RGS14: variants seen among roughly 807,000 people sequenced by gnomAD.
RGS14 encodes the protein regulator of G-protein signaling 14.
RGS14 carries 33 observed loss-of-function variants against 63.8 expected under a neutral mutation model. The ratio of observed to expected loss-of-function variants is 0.52; its 90% CI spans 0.39 to 0.69. The LOEUF is 0.69. Ranked by LOEUF, RGS14 falls within the 30% of genes least tolerant of loss-of-function variation. The pLI, the probability that RGS14 is intolerant of heterozygous loss-of-function variation, is 0.00. For missense variants in RGS14, 739 were observed against 742.9 expected (o/e 0.99, Z 0.06); for synonymous variants, 296 against 320.9 (o/e 0.92, Z 0.83).
rs926819244 is a variant in RGS14 at position 177,359,981 on chromosome 5, C to T, written c.45+1912C>T. On this transcript the variant is annotated intron_variant, in intron 1 of 14. Transcript: ENST00000408923. This position sits in a 1 kb window ranked among gnomAD's most constrained non-coding sequence, Gnocchi z 4.4. ...TGGCCCCAGTCCTCCCCTACCTCTC[C>T]TCTCACCACCATCATTCCCTGCTGT... 3.3e-5 allele frequency among the ~76,000 whole-genome samples: 5 copies of T among 152,220 alleles called. No individual in the cohort carries two copies. The highest frequency in any genetic ancestry group is 2.6e-4 in the Admixed American group (4 of 15,292).
chr5:177,367,992 G>A (rs1048378813), intron 7 of RGS14, 165 bp from the exon 8 acceptor site: 5 of 1,439,670 alleles, frequency 3.5e-6, no homozygotes, highest in Admixed American at 2.8e-5. Flanking sequence ...TCTTGGGCTA[G>A]ACCTCAGACG....
At chr5:177,368,287 G>T in intron 8 of RGS14, 21 bp downstream of exon 8, 1 of 1,600,484 alleles carries the variant, frequency 6.2e-7, no homozygotes, top group South Asian at 1.1e-5. Flanking sequence ...TGTTGGGGAA[G>T]ACAAGATGCT....
At chr5:177,367,590 C>T (rs1222980956) in intron 6 of RGS14, 33 bp downstream of exon 6, 2 of 1,590,412 alleles carry the variant, frequency 1.3e-6, no homozygotes, top group East Asian at 4.6e-5. Flanking sequence ...CTGGGCGAGG[C>T]AGGGGGTCCT....
In RGS14 at chr5:177,371,052, G is replaced by T. The variant is rs747744878; in HGVS notation, c.1254+21G>T. On this transcript the variant is annotated intron_variant, in intron 11 of 14. Coordinates refer to ENST00000408923, the MANE Select transcript of RGS14 (RefSeq NM_006480.5). The surrounding 1 kb of genome is among the most constrained non-coding windows in gnomAD (Gnocchi z 6.1). ...ACCGGGTGAGCTTCCGGGCCGCGGG[G>T]CGGGGCGGGGCGGGGCCGGGCCGGG... 8.6e-7 allele frequency: 1 copy of T among 1,162,556 alleles called. No homozygotes were observed. 72.0% of individuals were successfully genotyped at this position (1,162,556 alleles called of 1,614,324 possible).
intron 1 of RGS14, among the ~76,000 whole-genome samples, chr5:177,361,917 G>A (rs113420366): frequency 2.0e-5 from 3 of 152,178 alleles, no homozygotes; most frequent in Admixed American, 2.0e-4. Context: ...GGCTGAAGCA[G>A]GGGAGGCCAG....
chr5:177,371,093 G>A lies in RGS14; in HGVS notation c.1254+62G>A. The A allele has an allele frequency of 2.0e-6, 2 of 1,021,266 alleles. 1 individual carries two copies. Among genetic ancestry groups the A allele is most frequent in the Non-Finnish European group, 2.4e-6 (2 of 842,054 alleles). The allele number at this position is 1,021,266 out of a possible 1,614,324, so 63.3% of individuals were successfully genotyped here. A position where few individuals can be genotyped will look rare whatever the true frequency, so the allele number is the denominator to read the frequency against. ...CCGGGCCGGGGCCGGGGCCGGGGCC[G>A]GGGCCGGGGCCGGGGCCGGGGCCGG... On this transcript the variant is annotated intron_variant, in intron 11 of 14. Transcript: ENST00000408923. The surrounding 1 kb of genome is among the most constrained non-coding windows in gnomAD (Gnocchi z 6.1).
rs1211684342 is a variant in RGS14, at chr5:177,372,069, C to T, written c.1695C>T (p.Ala565=). The change falls in exon 15 of 15, where the codon GCC becomes GCT. Residue 565 remains alanine, a synonymous_variant. Transcript: ENST00000408923. ...CCTTGAACTCCACCACCGACTCAGC[C>T]CTCTGACAGCTACCCAACAGTCCAG... The part of the protein sequence containing the change: ...GGSLNSTTDS[A]L 1.9e-6 allele frequency: 3 copies of T among 1,613,774 alleles called. No individual in the cohort carries two copies. Among genetic ancestry groups the T allele is most frequent in the South Asian group, 2.2e-5 (2 of 91,052 alleles).
chr5:177,360,972 G>A (rs1761952770), intron 1 of RGS14, among the ~76,000 whole-genome samples: 1 of 152,256 alleles, frequency 6.6e-6, no homozygotes, highest in African/African-American at 2.4e-5. Context: ...GGAGGAGGGA[G>A]GGCACGGCAT....
chr5:177,366,302 G>C lies in RGS14; in HGVS notation c.193G>C (p.Ala65Pro). The change falls in exon 3 of 15, where the codon GCC (alanine) becomes CCC (proline). Residue 65 changes from alanine to proline, a missense_variant. Coordinates refer to ENST00000408923, the MANE Select transcript of RGS14 (RefSeq NM_006480.5). ...PTEEQPVASW[A>P]LSFERLLQDP... ...CGAGGAGCAGCCTGTGGCCAGCTGG[G>C]CCCTGTCCTTCGAGCGGCTGTTGCA... 1 of 1,558,976 alleles carries C rather than the reference G, an allele frequency of 6.4e-7. No individual in the cohort carries two copies. The highest frequency in any genetic ancestry group is 1.9e-5 in the Admixed American group (1 of 51,952).
rs1185253269 is a variant in RGS14 at position 177,358,298 on chromosome 5, G to A, written c.45+229G>A. ...AACCCTGGCAGTGAGGCCAGAGCGG[G>A]CACAGGCTTCTGGTCCAGCCCCCAC... is the stretch of plus-strand genomic sequence containing the variant. On this transcript the variant is annotated intron_variant, in intron 1 of 14. Transcript: ENST00000408923. This position sits in a 1 kb window ranked among gnomAD's most constrained non-coding sequence, Gnocchi z 4.8. Among the ~76,000 whole-genome samples, 3 of 152,174 alleles carry A rather than the reference G, an allele frequency of 2.0e-5. No homozygotes were observed. The highest frequency in any genetic ancestry group is 4.4e-5 in the Non-Finnish European group (3 of 68,012).
chr5:177,358,049 G>T lies in RGS14; in HGVS notation c.25G>T (p.Gly9Cys). 4.4e-6 allele frequency: 6 copies of T among 1,357,978 alleles called. No individual in the cohort carries two copies. Among genetic ancestry groups the T allele is most frequent in the East Asian group, 2.9e-5 (1 of 34,776 alleles). 84.1% of individuals were successfully genotyped at this position (1,357,978 alleles called of 1,614,324 possible). Residue 9 changes from glycine to cysteine, a missense_variant, in exon 1 of 15, where the codon GGC (glycine) becomes TGC (cysteine). Gly to Cys is a radical substitution (Grantham distance 159, BLOSUM62 -3). Coordinates refer to ENST00000408923, the MANE Select transcript of RGS14 (RefSeq NM_006480.5). The surrounding 1 kb of genome is among the most constrained non-coding windows in gnomAD (Gnocchi z 4.8). MPGKPKHL[G>C]VPNGRMVLAV... is the part of the protein sequence containing the mutation. ...CATGCCAGGGAAGCCCAAGCACCTG[G>T]GCGTCCCCAACGGGCGCATGGTGAG... is the stretch of plus-strand genomic sequence containing the variant.
rs1242206498 is a variant in RGS14, at chr5:177,371,702, G to A, written c.1498+113G>A. The A allele has an allele frequency of 4.6e-5, 56 of 1,228,498 alleles. No homozygotes were observed. Among genetic ancestry groups the A allele is most frequent in the South Asian group, 1.9e-4 (14 of 74,604 alleles). 76.1% of individuals were successfully genotyped at this position (1,228,498 alleles called of 1,614,324 possible). On this transcript the variant is annotated intron_variant, in intron 14 of 14. Transcript: ENST00000408923. This position sits in a 1 kb window ranked among gnomAD's most constrained non-coding sequence, Gnocchi z 6.1. ...GGCAGGGGGCTGGGTGCCACTGGGC[G>A]TGGAACAGGAAGGATGGGGGTTGGG...
At position 177,367,052 on chromosome 5, in the gene RGS14, G is replaced by A. The variant is rs753838091; in HGVS notation, c.483+18G>A. 7 of 1,593,464 alleles carry A rather than the reference G, an allele frequency of 4.4e-6. No individual in the cohort carries two copies. In the African/African-American group the frequency reaches 6.7e-5, roughly 15 times the overall value. On this transcript the variant is annotated intron_variant, in intron 5 of 14. Transcript: ENST00000408923. The stretch of plus-strand genomic sequence containing the variant: ...AGCTTCAGGTGGGCGATCCTGGGGG[G>A]ATTGGCCTTGAAAGGGAGACAAAAG...
rs769214636 is a variant in RGS14 at position 177,368,893 on chromosome 5, C to T, written c.1026C>T (p.Ile342=). Reference sequence around the variant, plus strand: ...AACGAGGCCTCTCTCTACCTGACATCAAGGTCTACCTGGTGGGCAATGAAC... The same window carrying T: ...AACGAGGCCTCTCTCTACCTGACATTAAGGTCTACCTGGTGGGCAATGAAC... ...CEKRGLSLPD[I]KVYLVGNEQA... The change falls in exon 9 of 15, where the codon ATC becomes ATT. Residue 342 remains isoleucine, a synonymous_variant. Coordinates refer to ENST00000408923, the MANE Select transcript of RGS14 (RefSeq NM_006480.5). 1 of 1,614,202 alleles carries T rather than the reference C, an allele frequency of 6.2e-7. No individual in the cohort carries two copies. The highest frequency in any genetic ancestry group is 8.5e-7 in the Non-Finnish European group (1 of 1,180,030).
Position 177,358,181 on chromosome 5 carries a change from C to T in RGS14, c.45+112C>T, listed in dbSNP as rs1581611716. The stretch of plus-strand genomic sequence containing the variant: ...CAAGAGCCCACGGGCTGCCAGCAGG[C>T]GAGAGAAGTTGGGTACAGACAGCAG... On this transcript the variant is annotated intron_variant, in intron 1 of 14. Coordinates refer to ENST00000408923, the MANE Select transcript of RGS14 (RefSeq NM_006480.5). The surrounding 1 kb of genome is among the most constrained non-coding windows in gnomAD (Gnocchi z 4.8). 8 of 921,004 alleles carry T rather than the reference C, an allele frequency of 8.7e-6. No individual in the cohort carries two copies. In the East Asian group the frequency reaches 2.0e-4, roughly 23 times the overall value. The allele number at this position is 921,004 out of a possible 1,614,324, so 57.1% of individuals were successfully genotyped here. A position where few individuals can be genotyped will look rare whatever the true frequency, so the allele number is the denominator to read the frequency against.
intron 6 of RGS14, 28 bp downstream of exon 6, chr5:177,367,585 C>A: frequency 1.3e-6 from 2 of 1,592,508 alleles, no homozygotes; most frequent in South Asian, 1.1e-5. Context: ...AGGGACTGGG[C>A]GAGGCAGGGG....
At chr5:177,368,582 A>G (rs983938798) in intron 8 of RGS14, 135 bp from the exon 9 acceptor site, 2 of 867,618 alleles carry the variant, frequency 2.3e-6, no homozygotes, top group Admixed American at 4.4e-5. Context: ...GTGTTCCTGC[A>G]GGAGGACGTA....
In RGS14 at chr5:177,365,946, T is replaced by C. The variant is rs1762080510; in HGVS notation, c.46-17T>C. 6.2e-7 allele frequency: 1 copy of C among 1,613,796 alleles called. No homozygotes were observed. Among genetic ancestry groups the C allele is most frequent in the South Asian group, 1.1e-5 (1 of 91,078 alleles). On this transcript the variant is annotated splice_polypyrimidine_tract_variant and intron_variant, in intron 1 of 14. Coordinates refer to ENST00000408923, the MANE Select transcript of RGS14 (RefSeq NM_006480.5). The stretch of plus-strand genomic sequence containing the variant: ...CTCACTGGGCTCTTCTGACTTTCTC[T>C]GTTGGGTCTCTTATAGGTTCTGGCT...
chr5:177,372,409 G>A lies in RGS14; in HGVS notation c.*334G>A. On this transcript the variant is annotated 3_prime_UTR_variant, in exon 15 of 15. Coordinates refer to ENST00000408923, the MANE Select transcript of RGS14 (RefSeq NM_006480.5). ...CCCAGCCTGTGCCAAGCTTCAACAG[G>A]GGCAAGAGGAGGGGCCGGCCCCTCC... is the stretch of plus-strand genomic sequence containing the variant. The A allele has an allele frequency of 3.4e-6, 1 of 289,974 alleles. No individual in the cohort carries two copies. Among genetic ancestry groups the A allele is most frequent in the Admixed American group, 4.8e-5 (1 of 20,778 alleles). The allele number at this position is 289,974 out of a possible 1,614,324, so 18.0% of individuals were successfully genotyped here.
Sources: gnomAD v4.1 joint callset for allele counts (sites outside exome capture counted in the v4.1 genomes callset) on GRCh38, gnomAD v4.1.1 for gene constraint, Gnocchi (gnomAD v3.1) non-coding constraint, MANE v1.5 for transcripts, NCBI Gene and HGNC (gene_info 2026-07-23, HGNC 2026-07-21) for gene names.